The following PTPRN2 variants were observed in gnomAD, a reference collection of about 807,000 sequenced individuals.
PTPRN2 encodes the protein protein tyrosine phosphatase receptor type N2, also known as receptor-type tyrosine-protein phosphatase N2.
PTPRN2 carries 74 observed loss-of-function variants against 118.8 expected under a neutral mutation model. That is an observed-to-expected ratio of 0.62 (90% confidence interval 0.52 to 0.76). The LOEUF is 0.76. Among genes scored for constraint, PTPRN2 ranks in the 30% least tolerant of loss-of-function variants. PTPRN2 has a pLI of 0.00. For missense variants in PTPRN2, 1,481 were observed against 1,394.4 expected (o/e 1.06, Z -0.99); for synonymous variants, 641 against 608.0 (o/e 1.05, Z -0.80).
rs535487636 is a variant in PTPRN2, at chr7:157,667,796, C to T, written c.2002-11245G>A. Among the ~76,000 whole-genome samples, 32 of 152,364 alleles carry T rather than the reference C, an allele frequency of 2.1e-4. No individual in the cohort carries two copies. The South Asian group carries it at 2.9e-3, about 14-fold the overall frequency. ...AACGGTAAACCCAGCGCGTCCGCAC[C>T]CAGGCGCAGAAACTCTCCATCAGGG... On this transcript the variant is annotated intron_variant, in intron 13 of 22. Coordinates refer to ENST00000389418, the MANE Select transcript of PTPRN2 (RefSeq NM_002847.5).
intron 10 of PTPRN2, among the ~76,000 whole-genome samples, chr7:158,108,622 G>A (rs1326439511): frequency 3.3e-5 from 5 of 152,202 alleles, no homozygotes; most frequent in African/African-American, 1.2e-4. Flanking sequence ...AGTGAGCAGT[G>A]TGGAGTTGCA....
chr7:158,068,838 T>G (rs973864609), intron 11 of PTPRN2, among the ~76,000 whole-genome samples: 2 of 152,248 alleles, frequency 1.3e-5, no homozygotes, highest in African/African-American at 4.8e-5. Flanking sequence ...ACTTGCTTTC[T>G]CATGGATTAC....
chr7:158,564,673 C>T (rs1827572084), intron 1 of PTPRN2, among the ~76,000 whole-genome samples: 1 of 152,252 alleles, frequency 6.6e-6, no homozygotes, highest in South Asian at 2.1e-4. Flanking sequence ...CTGCACCCTC[C>T]AGCTCCATCT....
chr7:158,360,969 C>T (rs367927439), intron 2 of PTPRN2, among the ~76,000 whole-genome samples: 1 of 5,014 alleles, frequency 2.0e-4, no homozygotes, highest in Admixed American at 1.9e-3. Flanking sequence ...TCACCCAGGA[C>T]GACGCACAGA....
At chr7:157,599,798 C>T (rs1047924363) in intron 16 of PTPRN2, among the ~76,000 whole-genome samples, 3 of 152,170 alleles carry the variant, frequency 2.0e-5, no homozygotes, top group East Asian at 1.9e-4. Flanking sequence ...AAATCTTGCA[C>T]AGAGAATAAG....
intron 2 of PTPRN2, among the ~76,000 whole-genome samples, chr7:158,340,520 T>C (rs201978281): frequency 3.5e-3 from 259 of 74,098 alleles, no homozygotes; most frequent in East Asian, 0.012. Context: ...CACACCCACA[T>C]TCTCACCATA....
chr7:158,151,333 T>C lies in PTPRN2; in HGVS notation c.911-12818A>G, dbSNP rs113254773. ...ACACCGCCCACCTTCTATTCCTGCCTCTCCCTGCCCACACCGCCCGCCTTT... is the reference window on the plus strand; with the variant it reads ...ACACCGCCCACCTTCTATTCCTGCCCCTCCCTGCCCACACCGCCCGCCTTT... On this transcript the variant is annotated intron_variant, in intron 6 of 22. Coordinates refer to ENST00000389418, the MANE Select transcript of PTPRN2 (RefSeq NM_002847.5). Among the ~76,000 whole-genome samples the C allele has an allele frequency of 2.9e-4, 6 of 20,798 alleles. 1 individual carries two copies. Among genetic ancestry groups the C allele is most frequent in the Middle Eastern group, 0.022 (1 of 46 alleles). 13.6% of individuals were successfully genotyped at this position (20,798 alleles called of 152,430 possible). A position where few individuals can be genotyped will look rare whatever the true frequency, so the allele number is the denominator to read the frequency against.
chr7:158,259,046 G>T (rs950298906), intron 3 of PTPRN2, among the ~76,000 whole-genome samples: 1 of 152,136 alleles, frequency 6.6e-6, no homozygotes, highest in Non-Finnish European at 1.5e-5. Context: ...CACCAGCAAC[G>T]CCTGTGAAAC....
chr7:158,232,948 T>C (rs536330826), intron 3 of PTPRN2, among the ~76,000 whole-genome samples: 5 of 152,286 alleles, frequency 3.3e-5, no homozygotes, highest in South Asian at 4.1e-4. Context: ...ACGCTATATA[T>C]GACAAATCCA....
Position 158,081,332 on chromosome 7 carries a change from T to G in PTPRN2, c.1689A>C (p.Gln563His). 6.2e-7 allele frequency: 1 copy of G among 1,614,178 alleles called. No homozygotes were observed. Among genetic ancestry groups the G allele is most frequent in the Non-Finnish European group, 8.5e-7 (1 of 1,180,018 alleles). ...TCTCCACATCCTCAGTGGTCACGTT[T>G]TGGACATTGGCGCTCACTTTGAAGG... ...AVTFKVSANV[Q>H]NVTTEDVEKA... The change falls in exon 11 of 23, where the codon CAA becomes CAC. Residue 563 changes from glutamine to histidine, a missense_variant. This residue lies in a region of PTPRN2 where 1,115 missense variants were observed against 994.2 expected (regional missense o/e 1.12). Transcript: ENST00000389418.
chr7:158,578,537 T>TGAAAAAAAAA (rs559379060), intron 1 of PTPRN2, among the ~76,000 whole-genome samples: 8 of 125,906 alleles, frequency 6.4e-5, no homozygotes, highest in Admixed American at 4.3e-4. Flanking sequence ...CCTGTCTCTG[T>TGAAAAAAAAA]AAAAAAAAAA....
intron 14 of PTPRN2, among the ~76,000 whole-genome samples, chr7:157,631,300 A>C: frequency 6.6e-6 from 1 of 152,260 alleles, no homozygotes; most frequent in East Asian, 1.9e-4. Flanking sequence ...GAGAAGGTGA[A>C]GTAGCAGCGG....
intron 11 of PTPRN2, among the ~76,000 whole-genome samples, chr7:158,051,095 AGCAG>A (rs1809291204): frequency 6.6e-6 from 1 of 152,214 alleles, no homozygotes; most frequent in African/African-American, 2.4e-5. Flanking sequence ...CACAGATGCT[AGCAG>A]TGCCCATGGG....
chr7:157,861,141 C>G lies in PTPRN2; in HGVS notation c.1788+37532G>C, dbSNP rs994777734. On this transcript the variant is annotated intron_variant, in intron 12 of 22. Transcript: ENST00000389418. This position sits in a 1 kb window ranked among gnomAD's most constrained non-coding sequence, Gnocchi z 5.8. Reference sequence around the variant, plus strand: ...GCGCTTTGGGATGTCGGCAGAGGCACGCATGCCTCCAGGGATGTGCCAGCT... The same window carrying G: ...GCGCTTTGGGATGTCGGCAGAGGCAGGCATGCCTCCAGGGATGTGCCAGCT... 6.6e-6 allele frequency among the ~76,000 whole-genome samples: 1 copy of G among 152,220 alleles called. No individual in the cohort carries two copies. Among genetic ancestry groups the G allele is most frequent in the African/African-American group, 2.4e-5 (1 of 41,464 alleles).
intron 1 of PTPRN2, among the ~76,000 whole-genome samples, chr7:158,498,067 T>C (rs1822085760): frequency 6.6e-6 from 1 of 152,260 alleles, no homozygotes; most frequent in African/African-American, 2.4e-5. Flanking sequence ...ATGTGTGTGC[T>C]CAGCAGAGGC....
At chr7:158,242,655 C>A (rs1215087609) in intron 3 of PTPRN2, among the ~76,000 whole-genome samples, 1 of 152,190 alleles carries the variant, frequency 6.6e-6, no homozygotes, top group Non-Finnish European at 1.5e-5. Context: ...ATGAAAACAT[C>A]CGTTCGTGGG....
In PTPRN2 at chr7:157,903,824, C is replaced by G. The variant is rs1283013738; in HGVS notation, c.1724-5087G>C. Among the ~76,000 whole-genome samples, 1 of 152,206 alleles carries G rather than the reference C, an allele frequency of 6.6e-6. No homozygotes were observed. Reference sequence around the variant, plus strand: ...ACACCAAGTGCCGGCGCAAGCGCTTCCCACACTTCAATCCGTCTCCCCATC... The same window carrying G: ...ACACCAAGTGCCGGCGCAAGCGCTTGCCACACTTCAATCCGTCTCCCCATC... On this transcript the variant is annotated intron_variant, in intron 11 of 22. Transcript: ENST00000389418. This position sits in a 1 kb window ranked among gnomAD's most constrained non-coding sequence, Gnocchi z 4.2.
chr7:157,791,559 C>A (rs375370752), intron 12 of PTPRN2, among the ~76,000 whole-genome samples: 16 of 149,028 alleles, frequency 1.1e-4, no homozygotes, highest in East Asian at 6.0e-4. Context: ...ACCTGCCCCC[C>A]CTCCCTGCAC....
intron 11 of PTPRN2, among the ~76,000 whole-genome samples, chr7:158,077,288 C>T (rs948918805): frequency 1.3e-5 from 2 of 152,188 alleles, no homozygotes; most frequent in African/African-American, 4.8e-5. Context: ...CGACCCTGTT[C>T]TGACACTCAC....
Sources: allele counts gnomAD v4.1 joint callset (sites outside exome capture counted in the v4.1 genomes callset), GRCh38; gene constraint gnomAD v4.1.1; regional missense constraint gnomAD v4.1.1; non-coding constraint Gnocchi (gnomAD v3.1); transcripts MANE v1.5; gene names NCBI Gene and HGNC (gene_info 2026-07-23, HGNC 2026-07-21).